The following SGIP1 variants were observed in gnomAD, a reference collection of about 807,000 sequenced individuals.
SGIP1 encodes the protein SH3GL interacting endocytic adaptor 1.
A neutral mutation model predicts 107.5 loss-of-function variants in SGIP1; 38 were observed. That is an observed-to-expected ratio of 0.35 (90% CI 0.27 to 0.46). The LOEUF is 0.46. Among genes scored for constraint, SGIP1 ranks in the 20% least tolerant of loss-of-function variants. SGIP1 has a pLI of 1.00. For missense variants in SGIP1, 929 were observed against 1,019.5 expected (o/e 0.91, Z 1.21); for synonymous variants, 365 against 366.1 (o/e 1.00, Z 0.03).
intron 21 of SGIP1, among the ~76,000 whole-genome samples, chr1:66,738,975 G>A (rs2094356768): frequency 1.3e-5 from 2 of 151,976 alleles, no homozygotes; most frequent in Admixed American, 6.6e-5. Context: ...GCTCAGAGAG[G>A]TTCTGAGCTA....
intron 1 of SGIP1, among the ~76,000 whole-genome samples, chr1:66,584,965 A>G (rs990116614): frequency 1.3e-5 from 2 of 152,226 alleles, no homozygotes; most frequent in African/African-American, 2.4e-5. Flanking sequence ...CAAAACAAAA[A>G]GAAAGAACAA....
chr1:66,629,534 G>T (rs2073774429), intron 2 of SGIP1, among the ~76,000 whole-genome samples: 1 of 151,772 alleles, frequency 6.6e-6, no homozygotes, highest in East Asian at 1.9e-4. Flanking sequence ...CAAAAGAAAA[G>T]ATATCAATGG....
At chr1:66,593,375 C>T (rs1332053136) in intron 1 of SGIP1, among the ~76,000 whole-genome samples, 2 of 152,180 alleles carry the variant, frequency 1.3e-5, no homozygotes, top group Non-Finnish European at 2.9e-5. Context: ...GCTAGATTGT[C>T]TTCCAAAGTG....
At chr1:66,671,412 T>A (rs963191342) in intron 10 of SGIP1, among the ~76,000 whole-genome samples, 3 of 152,174 alleles carry the variant, frequency 2.0e-5, no homozygotes, top group Non-Finnish European at 4.4e-5. Context: ...TATGAAAATT[T>A]TAGTCAACCA....
At chr1:66,618,116 A>G (rs1326811524) in intron 1 of SGIP1, among the ~76,000 whole-genome samples, 1 of 152,224 alleles carries the variant, frequency 6.6e-6, no homozygotes, top group Non-Finnish European at 1.5e-5. Flanking sequence ...ACAACTACTC[A>G]GTACATTATG....
intron 23 of SGIP1, 87 bp from the exon 24 acceptor site, chr1:66,741,185 T>C (rs1222017352): frequency 2.6e-5 from 35 of 1,354,950 alleles, no homozygotes; most frequent in African/African-American, 4.4e-5. Flanking sequence ...TGTCTGATTT[T>C]GTACGTTAAC....
chr1:66,613,328 T>TG (rs2068439447), intron 1 of SGIP1, among the ~76,000 whole-genome samples: 3 of 152,018 alleles, frequency 2.0e-5, no homozygotes, highest in Admixed American at 6.6e-5. Flanking sequence ...TTAAGTTTTT[T>TG]TGTGTTTTGT....
chr1:66,651,440 T>A (rs1236105868), intron 7 of SGIP1, among the ~76,000 whole-genome samples: 1 of 152,214 alleles, frequency 6.6e-6, no homozygotes. Context: ...AATTGAGAAC[T>A]CTTAACCACT....
chr1:66,596,692 C>CTT (rs2064781265), intron 1 of SGIP1, among the ~76,000 whole-genome samples: 2 of 151,520 alleles, frequency 1.3e-5, no homozygotes, highest in South Asian at 4.2e-4. Flanking sequence ...TTCTGCCACT[C>CTT]TAAGTATCAA....
At chr1:66,569,340 G>A (rs1004817630) in intron 1 of SGIP1, among the ~76,000 whole-genome samples, 1 of 151,834 alleles carries the variant, frequency 6.6e-6, no homozygotes, top group Non-Finnish European at 1.5e-5. Flanking sequence ...TCCCCATTAA[G>A]CATAATGCTT....
At chr1:66,714,301 A>G (rs748586220) in intron 18 of SGIP1, among the ~76,000 whole-genome samples, 4 of 152,128 alleles carry the variant, frequency 2.6e-5, no homozygotes, top group Admixed American at 1.3e-4. Context: ...ACCCAAGTCT[A>G]TATGACTCTA....
chr1:66,724,677 T>C (rs1378716049), intron 19 of SGIP1, among the ~76,000 whole-genome samples: 1 of 152,170 alleles, frequency 6.6e-6, no homozygotes, highest in East Asian at 1.9e-4. Context: ...CAAGAACAAC[T>C]TGCATAGTTA....
chr1:66,631,333 G>A (rs991386358), intron 2 of SGIP1, among the ~76,000 whole-genome samples: 5 of 152,130 alleles, frequency 3.3e-5, no homozygotes, highest in Non-Finnish European at 7.4e-5. Flanking sequence ...TGTTGGCCAA[G>A]ATTCTTCCTA....
chr1:66,535,560 G>A (rs896126086), intron 1 of SGIP1, among the ~76,000 whole-genome samples: 4 of 152,160 alleles, frequency 2.6e-5, no homozygotes, highest in African/African-American at 7.2e-5. Flanking sequence ...GTCAAACATT[G>A]TTAATGTGAT....
chr1:66,645,162 C>A (rs2077443918), intron 7 of SGIP1, among the ~76,000 whole-genome samples: 1 of 152,180 alleles, frequency 6.6e-6, no homozygotes, highest in Non-Finnish European at 1.5e-5. Context: ...CCTTTGGAAG[C>A]TACCTGGGGT....
rs1177088744 is a variant in SGIP1, at chr1:66,750,953, C to T, written c.*7858C>T. On this transcript the variant is annotated 3_prime_UTR_variant, in exon 25 of 25. Coordinates refer to ENST00000371037, the MANE Select transcript of SGIP1 (RefSeq NM_032291.4). The stretch of plus-strand genomic sequence containing the variant: ...ATAATTTTTGTAAATGTTTTTTGTT[C>T]ATAATTTTCCCAATCACCTATTTCA... Among the ~76,000 whole-genome samples the T allele has an allele frequency of 6.6e-6, 1 of 152,052 alleles. No homozygotes were observed. Among genetic ancestry groups the T allele is most frequent in the Non-Finnish European group, 1.5e-5 (1 of 67,984 alleles).
At chr1:66,713,458 A>C (rs1572150676) in intron 18 of SGIP1, among the ~76,000 whole-genome samples, 1 of 152,110 alleles carries the variant, frequency 6.6e-6, no homozygotes, top group African/African-American at 2.4e-5. Context: ...AAGAACATAA[A>C]GCCATATTAG....
At chr1:66,545,144 A>G (rs930161610) in intron 1 of SGIP1, among the ~76,000 whole-genome samples, 20 of 152,112 alleles carry the variant, frequency 1.3e-4, no homozygotes, top group African/African-American at 4.8e-4. Flanking sequence ...GCCACAAAAG[A>G]CATCAATTTC....
chr1:66,691,462 G>GA (rs1406080847), intron 17 of SGIP1, among the ~76,000 whole-genome samples: 1 of 152,160 alleles, frequency 6.6e-6, no homozygotes, highest in African/African-American at 2.4e-5. Context: ...CAAGTTTGGT[G>GA]AAAATAGAGC....
Sources: gnomAD v4.1 joint callset for allele counts (sites outside exome capture counted in the v4.1 genomes callset) on GRCh38, gnomAD v4.1.1 for gene constraint, MANE v1.5 for transcripts, NCBI Gene and HGNC (gene_info 2026-07-23, HGNC 2026-07-21) for gene names.